PNISR: variants seen among roughly 807,000 people sequenced by gnomAD.
PNISR encodes the protein PNN interacting serine and arginine rich protein, also known as arginine/serine-rich protein PNISR.
Under a neutral mutation model 93.4 loss-of-function variants are expected in PNISR, and 20 were observed. The observed-to-expected ratio is 0.21, with a 90% CI of 0.15 to 0.31. The LOEUF is 0.31. Ranked by LOEUF, PNISR falls within the 10% of genes least tolerant of loss-of-function variation. The probability of loss-of-function intolerance (pLI) is 1.00; values close to 1 mark genes in which losing one functional copy is unlikely to be tolerated. For synonymous variants in PNISR, 305 were observed against 306.5 expected, an observed-to-expected ratio of 0.99 and a Z score of 0.05; for missense variants, 893 against 985.4, an observed-to-expected ratio of 0.91 and a Z score of 1.25.
In PNISR at chr6:99,403,764, G is replaced by A. The variant is rs941231805; in HGVS notation, c.1156+65C>T. On this transcript the variant is annotated intron_variant, in intron 10 of 11. Coordinates refer to ENST00000369239, the MANE Select transcript of PNISR (RefSeq NM_032870.4). ...CTAATACAGTTTCAAAATAGAACAC[G>A]CAGAGAGACAATGTATGTGTGATTT... 3.4e-5 allele frequency: 39 copies of A among 1,161,398 alleles called. 1 individual carries two copies. In the Admixed American group the frequency reaches 4.9e-4, roughly 15 times the overall value. 71.9% of individuals were successfully genotyped at this position (1,161,398 alleles called of 1,614,324 possible).
At chr6:99,404,123 ACTT>A (rs2128480489) in intron 9 of PNISR, 1 of 482,670 alleles carries the variant, frequency 2.1e-6, no homozygotes, top group African/African-American at 2.0e-5. Context: ...CTGTATGTCT[ACTT>A]CTGAGATTAT....
intron 11 of PNISR, 47 bp downstream of exon 11, chr6:99,402,488 TAAAAA>T: frequency 7.7e-7 from 1 of 1,305,844 alleles, no homozygotes; most frequent in African/African-American, 1.5e-5. Context: ...AGTTAAAAAA[TAAAAA>T]GAAATACAAA....
Position 99,412,676 on chromosome 6 carries a change from T to C in PNISR, c.152A>G (p.Gln51Arg), listed in dbSNP as rs1482546413. ...WIAQREASGQ[Q>R]SMVEQPPGMM... is the part of the protein sequence containing the mutation. ...TCCTGGTGGTTGTTCTACCATGCTT[T>C]GCTGTCCTGAAGCTTCTCTTTGGGC... Residue 51 changes from glutamine to arginine, a missense_variant, in exon 4 of 12, where the codon CAA (glutamine) becomes CGA (arginine). This residue lies in a region of PNISR where 866 missense variants were observed against 935.1 expected (regional missense o/e 0.93). Transcript: ENST00000369239. The C allele has an allele frequency of 1.9e-6, 3 of 1,612,534 alleles. No individual in the cohort carries two copies. The highest frequency in any genetic ancestry group is 2.5e-6 in the Non-Finnish European group (3 of 1,179,352).
At chr6:99,402,863 G>A (rs1477609702) in intron 10 of PNISR, 153 bp from the exon 11 acceptor site, 6 of 495,758 alleles carry the variant, frequency 1.2e-5, no homozygotes, top group African/African-American at 1.9e-5. Context: ...ACATTCAAAC[G>A]CTTAAGGAGT....
At chr6:99,405,727 G>C (rs1201855628) in intron 8 of PNISR, among the ~76,000 whole-genome samples, 1 of 151,876 alleles carries the variant, frequency 6.6e-6, no homozygotes, top group Admixed American at 6.6e-5. Flanking sequence ...ACTATGCCCG[G>C]CTAATTTTTT....
Position 99,399,465 on chromosome 6 carries a change from T to C in PNISR, c.*1075A>G, listed in dbSNP as rs1775209108. On this transcript the variant is annotated 3_prime_UTR_variant, in exon 12 of 12. Transcript: ENST00000369239. ...TATACTTTAAAAATATAAATAAATA[T>C]ATTGAATCATGAGTCTTATTTCTAT... is the stretch of plus-strand genomic sequence containing the variant. 1 of 152,122 alleles carries C rather than the reference T, an allele frequency of 6.6e-6. No homozygotes were observed. The highest frequency in any genetic ancestry group is 6.6e-5 in the Admixed American group (1 of 15,264). 9.4% of individuals were successfully genotyped at this position (152,122 alleles called of 1,614,324 possible).
At chr6:99,419,805 T>C (rs1778297829) in intron 1 of PNISR, among the ~76,000 whole-genome samples, 1 of 151,920 alleles carries the variant, frequency 6.6e-6, no homozygotes, top group Non-Finnish European at 1.5e-5. Context: ...AGATTAAAAA[T>C]ACCTGATTCC....
At chr6:99,404,139 C>T in intron 9 of PNISR, 1 of 450,970 alleles carries the variant, frequency 2.2e-6, no homozygotes, top group Non-Finnish European at 3.9e-6. Context: ...GAGATTATGA[C>T]ATGTAACTTA....
In PNISR at chr6:99,412,528, T is replaced by C. The variant is rs764141187; in HGVS notation, c.277+23A>G. 2.0e-5 allele frequency: 30 copies of C among 1,514,134 alleles called. No homozygotes were observed. In the South Asian group the frequency reaches 3.6e-4, roughly 18 times the overall value. 93.8% of individuals were successfully genotyped at this position (1,514,134 alleles called of 1,614,324 possible). On this transcript the variant is annotated intron_variant, in intron 4 of 11. Coordinates refer to ENST00000369239, the MANE Select transcript of PNISR (RefSeq NM_032870.4). ...ATTCTGTTTTTTAAAAGTCTTAAAATTGTGAAAACATAAACAACAAACCTG... is the reference window on the plus strand; with the variant it reads ...ATTCTGTTTTTTAAAAGTCTTAAAACTGTGAAAACATAAACAACAAACCTG...
Position 99,398,334 on chromosome 6 carries a change from T to C in PNISR, c.*2206A>G, listed in dbSNP as rs150994417. 492 of 152,302 alleles carry C rather than the reference T, an allele frequency of 3.2e-3. 2 individuals are homozygous for C. Among genetic ancestry groups the C allele is most frequent in the African/African-American group, 0.012 (479 of 41,592 alleles). 9.4% of individuals were successfully genotyped at this position (152,302 alleles called of 1,614,324 possible). A position where few individuals can be genotyped will look rare whatever the true frequency, so the allele number is the denominator to read the frequency against. ...CCAAATTATACATCTAATTAACTTA[T>C]GTGTAAGTTTTTGCATTCACATCCT... On this transcript the variant is annotated 3_prime_UTR_variant, in exon 12 of 12. Transcript: ENST00000369239.
intron 4 of PNISR, among the ~76,000 whole-genome samples, chr6:99,411,255 TTTG>T (rs1776871402): frequency 6.6e-6 from 1 of 152,240 alleles, no homozygotes; most frequent in African/African-American, 2.4e-5. Context: ...AATTTTTATA[TTTG>T]TTTAGTAACA....
intron 9 of PNISR, chr6:99,404,157 T>A (rs1192308874): frequency 1.6e-5 from 7 of 427,740 alleles, no homozygotes; most frequent in Non-Finnish European, 2.9e-5. Context: ...TTAATTTTTG[T>A]TTTCAATACA....
chr6:99,422,664 AG>A (rs34902197), intron 1 of PNISR, among the ~76,000 whole-genome samples: 17,491 of 152,164 alleles, frequency 0.11, 1,275 homozygotes, highest in Non-Finnish European at 0.17. Context: ...ACTTGAGGCC[AG>A]GAATTCGAGA....
chr6:99,424,638 T>G (rs1779187345), intron 1 of PNISR, among the ~76,000 whole-genome samples: 1 of 152,270 alleles, frequency 6.6e-6, no homozygotes, highest in African/African-American at 2.4e-5. Context: ...TAAGCTAGAA[T>G]GTTAATTTAA....
At chr6:99,415,734 T>A (rs890197429) in intron 2 of PNISR, 2 of 152,166 alleles carry the variant, frequency 1.3e-5, no homozygotes, top group Non-Finnish European at 2.9e-5. Flanking sequence ...TCTAGATTGA[T>A]CCTTTCCTGT....
Position 99,400,186 on chromosome 6 carries a change from C to A in PNISR, c.*354G>T. 4.2e-6 allele frequency: 1 copy of A among 237,964 alleles called. No homozygotes were observed. Among genetic ancestry groups the A allele is most frequent in the Non-Finnish European group, 7.0e-6 (1 of 143,800 alleles). The allele number at this position is 237,964 out of a possible 1,614,324, so 14.7% of individuals were successfully genotyped here. A position where few individuals can be genotyped will look rare whatever the true frequency, so the allele number is the denominator to read the frequency against. ...AAAAAAAAAAAGATTCTGGTTTCAC[C>A]TACACAGCCACAATGTGCCTCTATA... is the stretch of plus-strand genomic sequence containing the variant. On this transcript the variant is annotated 3_prime_UTR_variant, in exon 12 of 12. Coordinates refer to ENST00000369239, the MANE Select transcript of PNISR (RefSeq NM_032870.4).
intron 6 of PNISR, among the ~76,000 whole-genome samples, chr6:99,408,692 G>A (rs557361684): frequency 6.6e-6 from 1 of 152,300 alleles, no homozygotes; most frequent in South Asian, 2.1e-4. Context: ...GCATAAATAT[G>A]TATTTGTCAC....
intron 10 of PNISR, 163 bp downstream of exon 10, chr6:99,403,666 C>CA (rs1410303406): frequency 8.6e-6 from 4 of 466,830 alleles, no homozygotes; most frequent in East Asian, 6.6e-5. Flanking sequence ...ATGCGTTAGT[C>CA]AAAAAAATAG....
At chr6:99,407,052 G>C (rs1311097304) in intron 7 of PNISR, among the ~76,000 whole-genome samples, 2 of 152,002 alleles carry the variant, frequency 1.3e-5, no homozygotes, top group Non-Finnish European at 2.9e-5. Flanking sequence ...GGACAGAGTG[G>C]CTAATGTCTG....
Sources: allele counts gnomAD v4.1 joint callset (sites outside exome capture counted in the v4.1 genomes callset), GRCh38; gene constraint gnomAD v4.1.1; regional missense constraint gnomAD v4.1.1; transcripts MANE v1.5; gene names NCBI Gene and HGNC (gene_info 2026-07-23, HGNC 2026-07-21).